The following ZMYM2 variants were observed in gnomAD, a reference collection of about 807,000 sequenced individuals.
ZMYM2 encodes the protein zinc finger MYM-type protein 2.
Under a neutral mutation model 162.8 loss-of-function variants are expected in ZMYM2, and 56 were observed. That is an observed-to-expected ratio of 0.34 (90% CI 0.28 to 0.43). The LOEUF (loss-of-function observed/expected upper bound fraction) is 0.43. Ranked by LOEUF, ZMYM2 falls within the 20% of genes least tolerant of loss-of-function variation. The pLI is 1.00. For synonymous variants in ZMYM2, 510 were observed against 541.6 expected, an observed-to-expected ratio of 0.94 and a Z score of 0.81; for missense variants, 1,275 against 1,621.8, an observed-to-expected ratio of 0.79 and a Z score of 3.67.
At chr13:20,015,929 C>T (rs900958158) in intron 6 of ZMYM2, among the ~76,000 whole-genome samples, 16 of 151,722 alleles carry the variant, frequency 1.1e-4, no homozygotes, top group African/African-American at 2.4e-4. Context: ...TCAAATTATC[C>T]GATCAAAAAG....
At chr13:19,864,670 C>T in the ZMYM2 span, 1 of 152,552 alleles carries the variant, frequency 6.6e-6, no homozygotes, top group Non-Finnish European at 1.5e-5. Context: ...TTTTTACTGC[C>T]TGCCACCGTC....
the ZMYM2 span, among the ~76,000 whole-genome samples, chr13:19,900,410 G>A: frequency 6.6e-6 from 1 of 152,100 alleles, no homozygotes; most frequent in Non-Finnish European, 1.5e-5. Context: ...TAGCGTATCT[G>A]AACAGGCCTA....
At chr13:19,950,048 G>A in the ZMYM2 span, among the ~76,000 whole-genome samples, 1 of 152,000 alleles carries the variant, frequency 6.6e-6, no homozygotes, top group Non-Finnish European at 1.5e-5. Context: ...TTAGGTGGGA[G>A]GATTACTTAA....
rs578015693 is a variant in ZMYM2, at chr13:20,087,684, C to T, written c.*1670C>T. On this transcript the variant is annotated 3_prime_UTR_variant, in exon 25 of 25. Coordinates refer to ENST00000610343, the MANE Select transcript of ZMYM2 (RefSeq NM_197968.4). ...TTTTGGCATAAAAAATTATAATGTTCTAACTTGTTTTATAAGTTGAATGAC... is the reference window on the plus strand; with the variant it reads ...TTTTGGCATAAAAAATTATAATGTTTTAACTTGTTTTATAAGTTGAATGAC... 7 of 185,348 alleles carry T rather than the reference C, an allele frequency of 3.8e-5. No homozygotes were observed. Among genetic ancestry groups the T allele is most frequent in the African/African-American group, 1.6e-4 (7 of 42,782 alleles). The allele number at this position is 185,348 out of a possible 1,614,324, so 11.5% of individuals were successfully genotyped here.
rs188479396 is a variant in ZMYM2 at position 20,074,649 on chromosome 13, C to T, written c.3453+7259C>T. 1.1e-4 allele frequency among the ~76,000 whole-genome samples: 17 copies of T among 151,974 alleles called. No homozygotes were observed. In the East Asian group the frequency reaches 3.3e-3, roughly 29 times the overall value. On this transcript the variant is annotated intron_variant, in intron 21 of 24. Coordinates refer to ENST00000610343, the MANE Select transcript of ZMYM2 (RefSeq NM_197968.4). The stretch of plus-strand genomic sequence containing the variant: ...CGCCTCCTGGGTTCACGCCATTCTC[C>T]TGCCTCAGCCTCCCGAGTAGCTGGC...
the ZMYM2 span, among the ~76,000 whole-genome samples, chr13:19,886,399 G>A: frequency 0.02 from 3,030 of 151,714 alleles, 45 homozygotes; most frequent in Non-Finnish European, 0.03. Context: ...CCCGACCTCG[G>A]TGATCTGCCT....
At chr13:20,043,534 G>A (rs2140451719) in intron 12 of ZMYM2, among the ~76,000 whole-genome samples, 1 of 152,176 alleles carries the variant, frequency 6.6e-6, no homozygotes, top group Middle Eastern at 3.4e-3. Flanking sequence ...GCGCTGGCAG[G>A]TGCAGGTCTT....
At chr13:20,044,415 C>T (rs1427303171) in intron 12 of ZMYM2, among the ~76,000 whole-genome samples, 2 of 152,106 alleles carry the variant, frequency 1.3e-5, no homozygotes, top group African/African-American at 4.8e-5. Context: ...GCAGCGTTCC[C>T]AGATTCCTTC....
At position 20,087,310 on chromosome 13, in the gene ZMYM2, A is replaced by G. The variant is rs1170587414; in HGVS notation, c.*1296A>G. 5.3e-6 allele frequency: 1 copy of G among 188,628 alleles called. No homozygotes were observed. Among genetic ancestry groups the G allele is most frequent in the Non-Finnish European group, 1.1e-5 (1 of 89,574 alleles). The allele number at this position is 188,628 out of a possible 1,614,324, so 11.7% of individuals were successfully genotyped here. A position where few individuals can be genotyped will look rare whatever the true frequency, so the allele number is the denominator to read the frequency against. The stretch of plus-strand genomic sequence containing the variant: ...ACTTTGTGCTTCTGCATAGCAATTT[A>G]TCCATTCAGACCTTTTCTTTTAGAA... On this transcript the variant is annotated 3_prime_UTR_variant, in exon 25 of 25. Coordinates refer to ENST00000610343, the MANE Select transcript of ZMYM2 (RefSeq NM_197968.4).
intron 4 of ZMYM2, among the ~76,000 whole-genome samples, chr13:20,004,269 T>G (rs1210677410): frequency 1.3e-5 from 2 of 148,374 alleles, no homozygotes; most frequent in Non-Finnish European, 2.9e-5. Context: ...TTTTGTTTTT[T>G]TTTGAGACGG....
upstream of ZMYM2, among the ~76,000 whole-genome samples, chr13:19,954,676 T>C (rs1223947415): frequency 6.6e-6 from 1 of 152,186 alleles, no homozygotes; most frequent in Non-Finnish European, 1.5e-5. Flanking sequence ...AAAATTCTTA[T>C]TTTTGAATCC....
chr13:19,934,336 T>C, the ZMYM2 span, among the ~76,000 whole-genome samples: 1 of 152,124 alleles, frequency 6.6e-6, no homozygotes, highest in Non-Finnish European at 1.5e-5. Flanking sequence ...AATTTTTGTA[T>C]TTTTAGTAGA....
chr13:19,884,995 C>T, the ZMYM2 span, among the ~76,000 whole-genome samples: 1 of 152,120 alleles, frequency 6.6e-6, no homozygotes, highest in South Asian at 2.1e-4. Flanking sequence ...CTGATTGGTC[C>T]ATTTTTACAG....
chr13:19,968,050 A>G (rs756986590), intron 2 of ZMYM2, among the ~76,000 whole-genome samples: 2 of 152,070 alleles, frequency 1.3e-5, no homozygotes, highest in Non-Finnish European at 2.9e-5. Flanking sequence ...TTTTCCCTAT[A>G]CTTTTAGAAA....
chr13:19,952,738 G>A, the ZMYM2 span, among the ~76,000 whole-genome samples: 2 of 152,102 alleles, frequency 1.3e-5, no homozygotes, highest in Non-Finnish European at 2.9e-5. Context: ...GGATCCCAAA[G>A]GATGAGAAGA....
intron 2 of ZMYM2, among the ~76,000 whole-genome samples, chr13:19,968,929 AGT>A (rs1956051025): frequency 6.6e-6 from 1 of 151,890 alleles, no homozygotes; most frequent in South Asian, 2.1e-4. Context: ...ATATAAACAA[AGT>A]GTAATAGGTA....
upstream of ZMYM2, among the ~76,000 whole-genome samples, chr13:19,957,811 G>A (rs547302676): frequency 3.3e-5 from 5 of 152,286 alleles, no homozygotes; most frequent in Non-Finnish European, 7.4e-5. Flanking sequence ...CCCAGCTCCA[G>A]GGGAGCCCGC....
At position 20,050,615 on chromosome 13, in the gene ZMYM2, G is replaced by A. The variant is rs557698591; in HGVS notation, c.2293-818G>A. Among the ~76,000 whole-genome samples the A allele has an allele frequency of 4.6e-5, 7 of 151,892 alleles. No individual in the cohort carries two copies. The South Asian group carries it at 8.3e-4, about 18-fold the overall frequency. On this transcript the variant is annotated intron_variant, in intron 12 of 24. Coordinates refer to ENST00000610343, the MANE Select transcript of ZMYM2 (RefSeq NM_197968.4). Reference sequence around the variant, plus strand: ...TTGAAGATACATCACTTATATTTTCGTTAAACTCATTGGTCAAGACGTTAA... The same window carrying A: ...TTGAAGATACATCACTTATATTTTCATTAAACTCATTGGTCAAGACGTTAA...
intron 2 of ZMYM2, among the ~76,000 whole-genome samples, chr13:19,964,027 CTGATTTG>C (rs1326031614): frequency 6.6e-6 from 1 of 152,108 alleles, no homozygotes; most frequent in Non-Finnish European, 1.5e-5. Flanking sequence ...TTTAGTTTTA[CTGATTTG>C]ATTAATGTTC....
Sources: allele counts gnomAD v4.1 joint callset (sites outside exome capture counted in the v4.1 genomes callset), GRCh38; gene constraint gnomAD v4.1.1; transcripts MANE v1.5; gene names NCBI Gene and HGNC (gene_info 2026-07-23, HGNC 2026-07-21).